The following NINL variants were observed in gnomAD, a reference collection of about 807,000 sequenced individuals.
The protein encoded by NINL is ninein like.
In NINL, 153 loss-of-function variants were observed where a neutral mutation model predicts 160.3. The ratio of observed to expected loss-of-function variants is 0.95; its 90% CI spans 0.84 to 1.09. The LOEUF is 1.09. Among genes scored for constraint, NINL ranks in the 50% least tolerant of loss-of-function variants. NINL has a pLI of 0.00. For missense variants in NINL, 1,829 were observed against 1,764.0 expected, an observed-to-expected ratio of 1.04 and a Z score of -0.66; for synonymous variants, 800 against 734.8, an observed-to-expected ratio of 1.09 and a Z score of -1.43.
Position 25,541,050 on chromosome 20 carries a change from G to A in NINL, c.-11-14452C>T, listed in dbSNP as rs547680273. On this transcript the variant is annotated intron_variant, in intron 1 of 23. Coordinates refer to ENST00000278886, the MANE Select transcript of NINL (RefSeq NM_025176.6). ...TAATACTTACTTTCCCTACAAAGTA[G>A]ATTTTTAGACTAAAAACTACAAAGA... Among the ~76,000 whole-genome samples the A allele has an allele frequency of 4.6e-5, 7 of 151,852 alleles. No homozygotes were observed. In the South Asian group the frequency reaches 1.5e-3, roughly 32 times the overall value.
chr20:25,456,823 T>G (rs1007040116), intron 22 of NINL, among the ~76,000 whole-genome samples: 31 of 151,740 alleles, frequency 2.0e-4, no homozygotes, highest in Admixed American at 1.9e-3. Context: ...TCCCAGCTAC[T>G]CAGGAGGCTG....
At chr20:25,494,531 G>A (rs993862525) in intron 10 of NINL, among the ~76,000 whole-genome samples, 1 of 152,208 alleles carries the variant, frequency 6.6e-6, no homozygotes, top group African/African-American at 2.4e-5. Flanking sequence ...CCATGTAGAG[G>A]CACATGTAGA....
At chr20:25,471,095 C>T (rs1731547750) in intron 17 of NINL, among the ~76,000 whole-genome samples, 1 of 152,176 alleles carries the variant, frequency 6.6e-6, no homozygotes, top group African/African-American at 2.4e-5. Flanking sequence ...TCATGGCTCA[C>T]TGCAGCCTTG....
In NINL at chr20:25,503,956, T is replaced by C. The variant is rs2063914907; in HGVS notation, c.857A>G (p.Tyr286Cys). The change falls in exon 7 of 24, where the codon TAC becomes TGC. Residue 286 changes from tyrosine (Y) to cysteine (C), a missense_variant. Physicochemically the swap from Tyr to Cys is radical, Grantham distance 194. Coordinates refer to ENST00000278886, the MANE Select transcript of NINL (RefSeq NM_025176.6). ...RVKPSKAWSH[Y>C]QVPEESGCHT... ...GATTTAACTGTTGCATTTTACCTGG[T>C]AATGAGACCAAGCCTTGCTCGGTTT... 1 of 1,614,006 alleles carries C rather than the reference T, an allele frequency of 6.2e-7. No individual in the cohort carries two copies. Among genetic ancestry groups the C allele is most frequent in the Non-Finnish European group, 8.5e-7 (1 of 1,180,020 alleles).
intron 2 of NINL, among the ~76,000 whole-genome samples, chr20:25,519,695 T>C (rs907121124): frequency 2.6e-5 from 4 of 152,278 alleles, no homozygotes; most frequent in African/African-American, 9.6e-5. Context: ...AACACGAATG[T>C]ATCTCAGAGA....
At position 25,453,354 on chromosome 20, in the gene NINL, C is replaced by G. The variant is rs1270785245; in HGVS notation, c.*97G>C. Reference sequence around the variant, plus strand: ...CAAAGAATCCCAATCCTCAGATGTCCCAGGACTCATGGCTCATGACCCACG... The same window carrying G: ...CAAAGAATCCCAATCCTCAGATGTCGCAGGACTCATGGCTCATGACCCACG... On this transcript the variant is annotated 3_prime_UTR_variant, in exon 24 of 24. Coordinates refer to ENST00000278886, the MANE Select transcript of NINL (RefSeq NM_025176.6). The G allele has an allele frequency of 4.2e-5, 46 of 1,098,950 alleles. No homozygotes were observed. Among genetic ancestry groups the G allele is most frequent in the Non-Finnish European group, 5.6e-5 (42 of 755,422 alleles). 68.1% of individuals were successfully genotyped at this position (1,098,950 alleles called of 1,614,324 possible). A position where few individuals can be genotyped will look rare whatever the true frequency, so the allele number is the denominator to read the frequency against.
rs199547281 is a variant in NINL at position 25,491,495 on chromosome 20, C to T, written c.1341G>A (p.Leu447=). 2.5e-5 allele frequency: 40 copies of T among 1,614,046 alleles called. No homozygotes were observed. In the East Asian group the frequency reaches 8.9e-4, roughly 36 times the overall value. ...KHLEQGYRER[L]SLLRSEVEAE... ...CCTCCACCTCAGACCGCAGGAGGCT[C>T]AGCCTTTCCCGGTACCCCTGCTCCA... is the stretch of plus-strand genomic sequence containing the variant. Residue 447 remains leucine, a synonymous_variant, in exon 11 of 24, where the codon CTG becomes CTA. Coordinates refer to ENST00000278886, the MANE Select transcript of NINL (RefSeq NM_025176.6).
intron 13 of NINL, among the ~76,000 whole-genome samples, chr20:25,483,517 C>T (rs759396172): frequency 3.9e-5 from 6 of 152,236 alleles, no homozygotes; most frequent in Non-Finnish European, 7.3e-5. Context: ...CTTTAACTAC[C>T]AAAGAGGAAA....
intron 1 of NINL, among the ~76,000 whole-genome samples, chr20:25,575,865 T>G (rs1302748398): frequency 6.6e-6 from 1 of 152,148 alleles, no homozygotes; most frequent in Admixed American, 6.5e-5. Context: ...ACCACAACCA[T>G]TTTGTCATTT....
intron 19 of NINL, 124 bp from the exon 20 acceptor site, chr20:25,462,665 T>G: frequency 1.1e-6 from 1 of 922,706 alleles, no homozygotes; most frequent in Non-Finnish European, 1.6e-6. Context: ...TGTTTTGTTT[T>G]GTTTTTCAAG....
chr20:25,575,239 G>T (rs572961310), intron 1 of NINL, among the ~76,000 whole-genome samples: 1 of 151,768 alleles, frequency 6.6e-6, no homozygotes, highest in East Asian at 1.9e-4. Flanking sequence ...ATGAGGTCAG[G>T]AGATCGAGAC....
intron 1 of NINL, among the ~76,000 whole-genome samples, chr20:25,554,636 C>CAAAAA (rs747557892): frequency 1.2e-5 from 1 of 85,786 alleles, no homozygotes; most frequent in South Asian, 3.4e-4. Flanking sequence ...AAAAAAAAAA[C>CAAAAA]AAAAAAAAAA....
intron 1 of NINL, among the ~76,000 whole-genome samples, chr20:25,532,134 T>C (rs1327373335): frequency 6.6e-6 from 1 of 152,192 alleles, no homozygotes; most frequent in African/African-American, 2.4e-5. Flanking sequence ...GACCCTGCCA[T>C]GGCTGGGACT....
intron 1 of NINL, among the ~76,000 whole-genome samples, chr20:25,528,801 T>C (rs1235027041): frequency 6.6e-6 from 1 of 152,136 alleles, no homozygotes; most frequent in Non-Finnish European, 1.5e-5. Context: ...GGAACAATTC[T>C]AAAAAAGAGG....
Position 25,476,625 on chromosome 20 carries a change from T to G in NINL, c.2666A>C (p.Gln889Pro). ...RRQAQDTEATQSPAPAPAPAS... is the reference protein window; with the variant it reads ...RRQAQDTEATPSPAPAPAPAS... ...CGGGGCAGGGGCGGGGGCCGGGCTC[T>G]GCGTAGCTTCTGTGTCCTGGGCTTG... Residue 889 changes from glutamine to proline, a missense_variant, in exon 17 of 24, where the codon CAG (glutamine) becomes CCG (proline). Coordinates refer to ENST00000278886, the MANE Select transcript of NINL (RefSeq NM_025176.6). 1 of 1,592,600 alleles carries G rather than the reference T, an allele frequency of 6.3e-7. No homozygotes were observed. The highest frequency in any genetic ancestry group is 8.5e-7 in the Non-Finnish European group (1 of 1,176,270).
chr20:25,577,089 G>A (rs893860073), intron 1 of NINL, among the ~76,000 whole-genome samples: 1 of 152,176 alleles, frequency 6.6e-6, no homozygotes, highest in African/African-American at 2.4e-5. Context: ...GGGCATCCAC[G>A]TTTCTGTCCC....
chr20:25,455,745 C>T lies in NINL; in HGVS notation c.3885G>A (p.Val1295=). ...EKQLKATEER[V]EEAEMILKNM... ...TCTTCAGAATCATCTCCGCCTCTTC[C>T]ACCCGCTCTTCTGTGGCTTTCAGCT... The change falls in exon 23 of 24, where the codon GTG becomes GTA. Residue 1295 remains valine (V), a synonymous_variant. Transcript: ENST00000278886. The T allele has an allele frequency of 6.2e-7, 1 of 1,614,180 alleles. No individual in the cohort carries two copies. Among genetic ancestry groups the T allele is most frequent in the Non-Finnish European group, 8.5e-7 (1 of 1,180,016 alleles).
intron 5 of NINL, 74 bp downstream of exon 5, chr20:25,510,600 C>G: frequency 7.6e-7 from 1 of 1,323,974 alleles, no homozygotes. Context: ...GCACACTGCC[C>G]AATGACCCGG....
chr20:25,562,863 A>C (rs570855837), intron 1 of NINL, among the ~76,000 whole-genome samples: 31 of 152,282 alleles, frequency 2.0e-4, no homozygotes, highest in African/African-American at 7.5e-4. Flanking sequence ...ATAAAGGAAG[A>C]GCAACAGAAA....
Sources: gnomAD v4.1 joint callset for allele counts (sites outside exome capture counted in the v4.1 genomes callset) on GRCh38, gnomAD v4.1.1 for gene constraint, MANE v1.5 for transcripts, NCBI Gene and HGNC (gene_info 2026-07-23, HGNC 2026-07-21) for gene names.